The following DLGAP2 variants were observed in gnomAD, a reference collection of about 807,000 sequenced individuals.
DLGAP2 encodes the protein DLG associated protein 2, also known as disks large-associated protein 2.
Under a neutral mutation model 100.3 loss-of-function variants are expected in DLGAP2, and 26 were observed. That is an observed-to-expected ratio of 0.26 (90% CI 0.19 to 0.36). The LOEUF (loss-of-function observed/expected upper bound fraction) is 0.36, where lower values mean the gene tolerates loss of function less well. Ranked by LOEUF, DLGAP2 falls within the 10% of genes least tolerant of loss-of-function variation. The pLI is 1.00. For missense variants in DLGAP2, 1,858 were observed against 1,453.2 expected, an observed-to-expected ratio of 1.28 and a Z score of -4.53; for synonymous variants, 886 against 630.1, an observed-to-expected ratio of 1.41 and a Z score of -6.08.
chr8:1,234,768 G>A (rs1015960087), intron 2 of DLGAP2, among the ~76,000 whole-genome samples: 4 of 152,194 alleles, frequency 2.6e-5, no homozygotes, highest in African/African-American at 4.8e-5. Flanking sequence ...GGATCAAGCT[G>A]CCTCTGCCTT....
chr8:1,080,482 G>A (rs1015556449), intron 2 of DLGAP2, among the ~76,000 whole-genome samples: 2 of 152,228 alleles, frequency 1.3e-5, no homozygotes, highest in Non-Finnish European at 2.9e-5. Flanking sequence ...AAGCTGCAGG[G>A]ATGCAGAGCT....
At chr8:1,068,452 G>A (rs1348330456) in intron 2 of DLGAP2, among the ~76,000 whole-genome samples, 4 of 152,162 alleles carry the variant, frequency 2.6e-5, no homozygotes, top group Non-Finnish European at 5.9e-5. Context: ...CGTCCTCAGC[G>A]GCGCTTGAGG....
intron 2 of DLGAP2, among the ~76,000 whole-genome samples, chr8:1,157,213 A>C (rs2129052240): frequency 6.6e-6 from 1 of 152,130 alleles, no homozygotes; most frequent in South Asian, 2.1e-4. Flanking sequence ...CCCGTGTGTG[A>C]AGCAGTTCCC....
chr8:844,866 C>G (rs1038300210), intron 1 of DLGAP2, among the ~76,000 whole-genome samples: 1 of 152,190 alleles, frequency 6.6e-6, no homozygotes, highest in Non-Finnish European at 1.5e-5. Flanking sequence ...CTGGCCACCA[C>G]AAATCCACTT....
chr8:1,234,707 A>C (rs1425909656), intron 2 of DLGAP2, among the ~76,000 whole-genome samples: 3 of 152,172 alleles, frequency 2.0e-5, no homozygotes, highest in Non-Finnish European at 4.4e-5. Context: ...CTTTGGACTG[A>C]CAGTGATTCT....
At chr8:1,645,626 G>T (rs13263031) in intron 8 of DLGAP2, among the ~76,000 whole-genome samples, 82,558 of 152,088 alleles carry the variant, frequency 0.54, 23,737 homozygotes, top group African/African-American at 0.75. Flanking sequence ...AAGTCCTATA[G>T]ATACATTTGT....
At chr8:1,102,939 T>G (rs988703669) in intron 2 of DLGAP2, among the ~76,000 whole-genome samples, 1 of 151,346 alleles carries the variant, frequency 6.6e-6, no homozygotes, top group Non-Finnish European at 1.5e-5. Flanking sequence ...TCCCTATGAG[T>G]CTCTGGGGTC....
intron 2 of DLGAP2, among the ~76,000 whole-genome samples, chr8:1,100,892 C>G (rs1014199562): frequency 6.6e-6 from 1 of 152,194 alleles, no homozygotes; most frequent in Non-Finnish European, 1.5e-5. Flanking sequence ...TCATTTTAAC[C>G]ATAGCATTTC....
rs117848689 is a variant in DLGAP2 at position 1,418,864 on chromosome 8, G to A, written c.107-82502G>A. ...CAATCCCAAGTCTGGCTTCTGGCCC[G>A]CTGGCTAGAGATCATGGGTTCCCAT... is the stretch of plus-strand genomic sequence containing the variant. On this transcript the variant is annotated intron_variant, in intron 3 of 14. Transcript: ENST00000637795. 7.9e-5 allele frequency among the ~76,000 whole-genome samples: 12 copies of A among 152,334 alleles called. No homozygotes were observed. The East Asian group carries it at 1.4e-3, about 17-fold the overall frequency.
At chr8:1,324,970 T>C (rs1237890633) in intron 3 of DLGAP2, among the ~76,000 whole-genome samples, 1 of 152,170 alleles carries the variant, frequency 6.6e-6, no homozygotes, top group African/African-American at 2.4e-5. Flanking sequence ...GGGATGAGAA[T>C]TACGGATTCA....
At chr8:1,178,870 G>T (rs1338004091) in intron 2 of DLGAP2, among the ~76,000 whole-genome samples, 1 of 152,164 alleles carries the variant, frequency 6.6e-6, no homozygotes, top group East Asian at 1.9e-4. Flanking sequence ...AGCTGCAACT[G>T]CTCTTTCAGT....
intron 3 of DLGAP2, among the ~76,000 whole-genome samples, chr8:1,373,432 G>A (rs1402087405): frequency 6.6e-6 from 1 of 152,194 alleles, no homozygotes; most frequent in Non-Finnish European, 1.5e-5. Flanking sequence ...ACAAGGACGG[G>A]GGGCCGGACA....
intron 2 of DLGAP2, among the ~76,000 whole-genome samples, chr8:966,209 G>T (rs1584931262): frequency 6.6e-6 from 1 of 152,180 alleles, no homozygotes; most frequent in African/African-American, 2.4e-5. Flanking sequence ...AGGAATTTGA[G>T]TTTCAGCGAT....
intron 2 of DLGAP2, among the ~76,000 whole-genome samples, chr8:1,208,997 A>G (rs1394864040): frequency 1.3e-5 from 2 of 152,190 alleles, no homozygotes; most frequent in African/African-American, 2.4e-5. Flanking sequence ...GAAAGAAATC[A>G]TAGATGACAC....
At chr8:885,528 G>A (rs1797906013) in intron 1 of DLGAP2, among the ~76,000 whole-genome samples, 1 of 152,154 alleles carries the variant, frequency 6.6e-6, no homozygotes, top group Non-Finnish European at 1.5e-5. Flanking sequence ...TTGGGCTGAG[G>A]TGATGAAGTT....
At chr8:1,429,854 C>T (rs1363682497) in intron 3 of DLGAP2, among the ~76,000 whole-genome samples, 1 of 150,648 alleles carries the variant, frequency 6.6e-6, no homozygotes, top group Non-Finnish European at 1.5e-5. Context: ...TCTGATTTGT[C>T]CAAGGTGATC....
At chr8:1,194,512 G>A (rs1307042878) in intron 2 of DLGAP2, among the ~76,000 whole-genome samples, 1 of 152,166 alleles carries the variant, frequency 6.6e-6, no homozygotes, top group Admixed American at 6.5e-5. Flanking sequence ...GGGTCCCTCT[G>A]GGTCACTCCT....
At chr8:1,198,940 C>T (rs1199252385) in intron 2 of DLGAP2, among the ~76,000 whole-genome samples, 1 of 152,234 alleles carries the variant, frequency 6.6e-6, no homozygotes, top group African/African-American at 2.4e-5. Flanking sequence ...TGGATACAGG[C>T]AGACTGTGCT....
At position 1,676,552 on chromosome 8, in the gene DLGAP2, C is replaced by G. The variant is rs746026598; in HGVS notation, c.2222C>G (p.Ser741Cys). Reference sequence around the variant, plus strand: ...AATTAGGTGGAAACGGCCACAGATTCTGACACGGAGAGCCGCGGTCTGCGG... The same window carrying G: ...AATTAGGTGGAAACGGCCACAGATTGTGACACGGAGAGCCGCGGTCTGCGG... The part of the protein sequence containing the change: ...PRSDVETATD[S>C]DTESRGLREY... The change falls in exon 11 of 15, where the codon TCT becomes TGT. Residue 741 changes from serine (S) to cysteine (C), a missense_variant. Transcript: ENST00000637795. 1.2e-6 allele frequency: 2 copies of G among 1,613,466 alleles called. No individual in the cohort carries two copies. Among genetic ancestry groups the G allele is most frequent in the East Asian group, 2.2e-5 (1 of 44,874 alleles).
Sources: gnomAD v4.1 joint callset for allele counts (sites outside exome capture counted in the v4.1 genomes callset) on GRCh38, gnomAD v4.1.1 for gene constraint, MANE v1.5 for transcripts, NCBI Gene and HGNC (gene_info 2026-07-23, HGNC 2026-07-21) for gene names.